DYSF: variants seen among roughly 807,000 people sequenced by gnomAD.
DYSF encodes the protein dysferlin.
Under a neutral mutation model 274.9 loss-of-function variants are expected in DYSF, and 212 were observed. That is an observed-to-expected ratio of 0.77 (90% CI 0.69 to 0.86). DYSF has a LOEUF of 0.86. DYSF is among the 40% of genes least tolerant of loss of function. The pLI is 0.00. For missense variants in DYSF, 2,666 were observed against 2,783.2 expected, an observed-to-expected ratio of 0.96 and a Z score of 0.95; for synonymous variants, 1,091 against 1,078.7, an observed-to-expected ratio of 1.01 and a Z score of -0.22.
intron 3 of DYSF, among the ~76,000 whole-genome samples, chr2:71,491,289 A>C (rs535416212): frequency 6.6e-6 from 1 of 152,320 alleles, no homozygotes; most frequent in Admixed American, 6.5e-5. Flanking sequence ...TATTATTAGG[A>C]ATACTAACCC....
chr2:71,492,894 G>A (rs967948697), intron 3 of DYSF, among the ~76,000 whole-genome samples: 1 of 151,980 alleles, frequency 6.6e-6, no homozygotes, highest in African/African-American at 2.4e-5. Flanking sequence ...TTGTTTGTTT[G>A]TTTTTGAGAC....
chr2:71,661,626 T>G (rs2094883019), intron 45 of DYSF, among the ~76,000 whole-genome samples: 1 of 152,226 alleles, frequency 6.6e-6, no homozygotes, highest in Non-Finnish European at 1.5e-5. Flanking sequence ...GAGTAATTCC[T>G]AGGCATCCTG....
intron 36 of DYSF, among the ~76,000 whole-genome samples, chr2:71,610,602 T>G (rs1464960849): frequency 6.6e-6 from 1 of 152,206 alleles, no homozygotes; most frequent in Admixed American, 6.5e-5. Context: ...GTCTCTGTAG[T>G]GGAGAGAGAC....
At chr2:71,624,239 C>T (rs149403744) in intron 41 of DYSF, among the ~76,000 whole-genome samples, 30 of 152,316 alleles carry the variant, frequency 2.0e-4, no homozygotes, top group African/African-American at 6.7e-4. Context: ...CATCCTAGAA[C>T]AGCTGTGGAC....
At chr2:71,618,486 G>T (rs1297828541) in intron 40 of DYSF, among the ~76,000 whole-genome samples, 4 of 145,666 alleles carry the variant, frequency 2.7e-5, no homozygotes, top group Admixed American at 6.9e-5. Context: ...TGTGTGTGTG[G>T]TAGAGGTGAT....
chr2:71,467,011 T>C (rs1490990704), intron 1 of DYSF, 78 bp downstream of exon 1: 2 of 1,519,032 alleles, frequency 1.3e-6, no homozygotes, highest in Middle Eastern at 1.7e-4. Flanking sequence ...CTGAAGCCCC[T>C]GCTCCGGAGC....
chr2:71,632,790 A>G (rs1048917040), intron 41 of DYSF, among the ~76,000 whole-genome samples: 1 of 152,040 alleles, frequency 6.6e-6, no homozygotes, highest in Non-Finnish European at 1.5e-5. Flanking sequence ...CCAAGGATCT[A>G]TCTTAGACTC....
rs768546511 is a variant in DYSF at position 71,520,816 on chromosome 2, T to C, written c.1061T>C (p.Leu354Pro). Residue 354 changes from leucine to proline, a missense_variant, in exon 12 of 56, where the codon CTG (leucine) becomes CCG (proline). Transcript: ENST00000410020. ...PRHAYLRKWL[L>P]LSDPDDFSAG... ...CACGCCTATCTCAGGAAGTGGCTGC[T>C]GCTCTCAGACCCTGATGACTTCTCT... is the stretch of plus-strand genomic sequence containing the variant. 8 of 1,613,974 alleles carry C rather than the reference T, an allele frequency of 5.0e-6. No individual in the cohort carries two copies. In the East Asian group the frequency reaches 1.8e-4, roughly 36 times the overall value.
chr2:71,658,309 T>G (rs1229602605), intron 43 of DYSF, among the ~76,000 whole-genome samples: 1 of 152,336 alleles, frequency 6.6e-6, no homozygotes, highest in East Asian at 1.9e-4. Flanking sequence ...TATCAGCATT[T>G]TGGGCAAAGC....
intron 45 of DYSF, among the ~76,000 whole-genome samples, chr2:71,662,952 A>G (rs1341178508): frequency 6.7e-6 from 1 of 149,394 alleles, no homozygotes; most frequent in African/African-American, 2.5e-5. Context: ...GTGTGTGTGC[A>G]TATTTGTGTG....
At chr2:71,617,913 T>TGTGTGTGTGTGGTAGAG (rs1171520412) in intron 40 of DYSF, among the ~76,000 whole-genome samples, 1 of 24,198 alleles carries the variant, frequency 4.1e-5, no homozygotes, top group Middle Eastern at 0.042. Context: ...GTGGTAGAGG[T>TGTGTGTGTGTGGTAGAG]GTGTGTGTGT....
intron 12 of DYSF, among the ~76,000 whole-genome samples, chr2:71,523,824 C>T (rs1397123361): frequency 4.6e-5 from 7 of 152,152 alleles, no homozygotes; most frequent in Admixed American, 1.3e-4. Context: ...AAATTACAGG[C>T]GTGAGCCACT....
At chr2:71,557,425 C>A (rs963148048) in intron 22 of DYSF, among the ~76,000 whole-genome samples, 1 of 152,268 alleles carries the variant, frequency 6.6e-6, no homozygotes, top group African/African-American at 2.4e-5. Context: ...AGGCTGTTGC[C>A]CAATTGGGCG....
intron 30 of DYSF, among the ~76,000 whole-genome samples, chr2:71,588,208 G>T (rs2093137355): frequency 6.6e-6 from 1 of 152,172 alleles, no homozygotes; most frequent in Non-Finnish European, 1.5e-5. Flanking sequence ...GGAAAGATAG[G>T]GCGGGTCACT....
In DYSF at chr2:71,602,773, C is replaced by G. The variant is rs1162513767; in HGVS notation, c.3928-3C>G. The G allele has an allele frequency of 6.2e-7, 1 of 1,613,054 alleles. No homozygotes were observed. The highest frequency in any genetic ancestry group is 8.5e-7 in the Non-Finnish European group (1 of 1,179,840). Reference sequence around the variant, plus strand: ...TGTGCCACATCCCATGGCTGTGGGCCAGGTGCAGGAGACATCAAGGATCCT... The same window carrying G: ...TGTGCCACATCCCATGGCTGTGGGCGAGGTGCAGGAGACATCAAGGATCCT... On this transcript the variant is annotated splice_polypyrimidine_tract_variant and splice_region_variant and intron_variant, in intron 35 of 55. Transcript: ENST00000410020.
intron 41 of DYSF, among the ~76,000 whole-genome samples, chr2:71,634,718 T>C (rs2094369547): frequency 6.6e-6 from 1 of 152,206 alleles, no homozygotes; most frequent in Admixed American, 6.5e-5. Flanking sequence ...GCTTTCTATC[T>C]TCCTCCTTAA....
chr2:71,669,289 C>T, intron 50 of DYSF, 82 bp downstream of exon 50: 1 of 1,235,998 alleles, frequency 8.1e-7, no homozygotes. Flanking sequence ...ACGGGGGGCT[C>T]TGGCTCAGGG....
At chr2:71,656,126 T>C (rs2094764477) in intron 42 of DYSF, 36 bp from the exon 43 acceptor site, 1 of 1,613,862 alleles carries the variant, frequency 6.2e-7, no homozygotes, top group Non-Finnish European at 8.5e-7. Context: ...TTTCTTTCTG[T>C]CTCTTGTCCC....
chr2:71,574,910 C>T (rs1233738350), intron 30 of DYSF, among the ~76,000 whole-genome samples: 1 of 152,052 alleles, frequency 6.6e-6, no homozygotes, highest in Non-Finnish European at 1.5e-5. Flanking sequence ...TTCTCCAGGG[C>T]CGGGGTGACG....
Sources: allele counts gnomAD v4.1 joint callset (sites outside exome capture counted in the v4.1 genomes callset), GRCh38; gene constraint gnomAD v4.1.1; transcripts MANE v1.5; gene names NCBI Gene and HGNC (gene_info 2026-07-23, HGNC 2026-07-21).